KALRN: variants seen among roughly 807,000 people sequenced by gnomAD.
KALRN encodes kalirin.
KALRN carries 70 observed loss-of-function variants against 353.7 expected under a neutral mutation model. The observed-to-expected ratio is 0.20, with a 90% CI of 0.16 to 0.24. The LOEUF (loss-of-function observed/expected upper bound fraction) is 0.24. KALRN is among the 10% of genes least tolerant of loss of function. KALRN has a pLI of 1.00. For missense variants in KALRN, 2,791 were observed against 3,756.7 expected (o/e 0.74, Z 6.72); for synonymous variants, 1,391 against 1,434.8 (o/e 0.97, Z 0.69).
chr3:124,087,870 C>A (rs1447708188), intron 1 of KALRN, among the ~76,000 whole-genome samples: 1 of 152,118 alleles, frequency 6.6e-6, no homozygotes, highest in Non-Finnish European at 1.5e-5. Context: ...TTTGAAACGT[C>A]TTTTAAAGAG....
At chr3:124,665,754 A>G (rs11709152) in intron 45 of KALRN, among the ~76,000 whole-genome samples, 4,246 of 152,290 alleles carry the variant, frequency 0.028, 81 homozygotes, top group East Asian at 0.079. Flanking sequence ...CATGAGCACC[A>G]CACCCACCCT....
intron 25 of KALRN, among the ~76,000 whole-genome samples, chr3:124,463,661 A>G (rs1003020386): frequency 3.3e-5 from 5 of 152,226 alleles, no homozygotes; most frequent in Non-Finnish European, 5.9e-5. Context: ...AGTGGCTGCC[A>G]TATTCGATAT....
chr3:124,407,717 A>G (rs1285890689), intron 13 of KALRN: 2 of 152,224 alleles, frequency 1.3e-5, no homozygotes, highest in Non-Finnish European at 2.9e-5. Flanking sequence ...CACATACACT[A>G]AACTGAAACG....
At chr3:124,380,410 T>A (rs2149886561) in intron 10 of KALRN, among the ~76,000 whole-genome samples, 1 of 152,290 alleles carries the variant, frequency 6.6e-6, no homozygotes, top group East Asian at 1.9e-4. Context: ...AGTCATGGGG[T>A]GTTGGAGAGG....
At chr3:124,575,858 G>C (rs937325682) in intron 34 of KALRN, among the ~76,000 whole-genome samples, 1 of 152,076 alleles carries the variant, frequency 6.6e-6, no homozygotes. Flanking sequence ...CCCTTGCCTC[G>C]AGGTCCCTAA....
intron 37 of KALRN, among the ~76,000 whole-genome samples, chr3:124,642,806 G>GTTTTTTTTTTTTTGTTGTTGTTT (rs2082213566): frequency 1.1e-4 from 11 of 96,836 alleles, no homozygotes; most frequent in African/African-American, 4.5e-4. Flanking sequence ...CCCAAGCCTC[G>GTTTTTTTTTTTTTGTTGTTGTTT]TTTTTTTTTT....
At chr3:124,286,754 A>G (rs997526320) in intron 5 of KALRN, among the ~76,000 whole-genome samples, 12 of 152,048 alleles carry the variant, frequency 7.9e-5, no homozygotes, top group African/African-American at 2.9e-4. Flanking sequence ...CCTTCCCCCC[A>G]TTTTTTTAAG....
chr3:124,658,786 G>T (rs117054535), intron 42 of KALRN, among the ~76,000 whole-genome samples: 1 of 152,290 alleles, frequency 6.6e-6, no homozygotes, highest in East Asian at 1.9e-4. Flanking sequence ...ACACAGAGAT[G>T]GTTTGAGAAG....
At chr3:124,574,127 G>T (rs1281884771) in intron 34 of KALRN, among the ~76,000 whole-genome samples, 2 of 152,188 alleles carry the variant, frequency 1.3e-5, no homozygotes, top group African/African-American at 4.8e-5. Flanking sequence ...TGTTCTGGTT[G>T]AGATGTCCTG....
At chr3:124,654,812 A>G (rs961430384) in intron 38 of KALRN, among the ~76,000 whole-genome samples, 1 of 151,288 alleles carries the variant, frequency 6.6e-6, no homozygotes, top group Non-Finnish European at 1.5e-5. Context: ...CTGCATTTTC[A>G]TTTATATAAA....
In KALRN at chr3:124,298,941, G is replaced by A. The variant is rs116132373; in HGVS notation, c.1092+28G>A. 525 of 1,613,584 alleles carry A rather than the reference G, an allele frequency of 3.3e-4. 4 individuals carry two copies. The African/African-American group carries it at 6.1e-3, about 19-fold the overall frequency. On this transcript the variant is annotated intron_variant, in intron 6 of 59. Transcript: ENST00000682506. The stretch of plus-strand genomic sequence containing the variant: ...GAGCTGAGGGGCTGTTCTCAGCACT[G>A]CCTCTGGGAGTGGGAGAGTGGGGAG...
chr3:124,443,757 G>A (rs1004934007), intron 19 of KALRN, among the ~76,000 whole-genome samples: 1 of 152,180 alleles, frequency 6.6e-6, no homozygotes, highest in Non-Finnish European at 1.5e-5. Context: ...TGTTGCCCAT[G>A]TAAAAGCTTT....
chr3:124,680,064 A>G (rs1293020661), intron 51 of KALRN, among the ~76,000 whole-genome samples: 4 of 152,264 alleles, frequency 2.6e-5, no homozygotes, highest in African/African-American at 9.6e-5. Context: ...GATAGCAAAT[A>G]AGGTGTAATT....
intron 31 of KALRN, 54 bp from the exon 32 acceptor site, chr3:124,492,686 T>G: frequency 4.4e-6 from 7 of 1,582,768 alleles, no homozygotes; most frequent in Non-Finnish European, 6.0e-6. Context: ...AGAACTGTTT[T>G]TGGTAAGGTG....
chr3:124,589,317 G>T (rs1158102580), intron 34 of KALRN, among the ~76,000 whole-genome samples: 1 of 152,166 alleles, frequency 6.6e-6, no homozygotes, highest in African/African-American at 2.4e-5. Flanking sequence ...CACTGTTGTT[G>T]ACTTTAATTC....
At position 124,434,333 on chromosome 3, in the gene KALRN, G is replaced by A. The variant is rs2150499269; in HGVS notation, c.2856G>A (p.Gln952=). Reference sequence around the variant, plus strand: ...CCCTCTTTCATGCCACTTCCTTGCAGAAGACGCACCAGAGTGCCCTGCAGG... The same window carrying A: ...CCCTCTTTCATGCCACTTCCTTGCAAAAGACGCACCAGAGTGCCCTGCAGG... ...IESLFHATSL[Q]KTHQSALQVQ... is the part of the protein sequence containing the mutation. Residue 952 remains glutamine (Q), a synonymous_variant, in exon 17 of 60, where the codon CAG becomes CAA. Coordinates refer to ENST00000682506, the MANE Select transcript of KALRN (RefSeq NM_001388419.1). 2 of 1,613,042 alleles carry A rather than the reference G, an allele frequency of 1.2e-6. No homozygotes were observed. Among genetic ancestry groups the A allele is most frequent in the Admixed American group, 3.3e-5 (2 of 60,010 alleles).
rs115300307 is a variant in KALRN at position 124,264,140 on chromosome 3, G to A, written c.264-358G>A. On this transcript the variant is annotated intron_variant, in intron 3 of 59. Transcript: ENST00000682506. The stretch of plus-strand genomic sequence containing the variant: ...TCTCTAATCCGAAAATCCAAACTCC[G>A]AAATGCTGCAACAATCATTTCCTTT... 4.6e-3 allele frequency among the ~76,000 whole-genome samples: 690 copies of A among 151,032 alleles called. 4 individuals are homozygous for A. The highest frequency in any genetic ancestry group is 0.016 in the African/African-American group (668 of 41,052).
At chr3:124,226,114 C>T (rs982915452) in intron 1 of KALRN, among the ~76,000 whole-genome samples, 1 of 152,054 alleles carries the variant, frequency 6.6e-6, no homozygotes, top group Non-Finnish European at 1.5e-5. Flanking sequence ...ACAAACAAGT[C>T]ATGTATTAGT....
intron 50 of KALRN, 123 bp from the exon 51 acceptor site, chr3:124,679,335 T>C (rs2087533893): frequency 5.0e-6 from 4 of 804,288 alleles, no homozygotes; most frequent in Non-Finnish European, 8.1e-6. Flanking sequence ...AAACACCTGG[T>C]TTTTTCTCTG....
Sources: gnomAD v4.1 joint callset for allele counts (sites outside exome capture counted in the v4.1 genomes callset) on GRCh38, gnomAD v4.1.1 for gene constraint, MANE v1.5 for transcripts, NCBI Gene and HGNC (gene_info 2026-07-23, HGNC 2026-07-21) for gene names.